CHD4: variants seen among roughly 807,000 people sequenced by gnomAD.
The protein encoded by CHD4 is chromodomain helicase DNA binding protein 4, also known as ATP-dependent chromatin remodeler CHD4.
In CHD4, 35 loss-of-function variants were observed where a neutral mutation model predicts 235.5. The ratio of observed to expected loss-of-function variants is 0.15; its 90% confidence interval spans 0.11 to 0.20. CHD4 has a LOEUF of 0.20. Ranked by LOEUF, CHD4 falls within the 10% of genes least tolerant of loss-of-function variation. The probability of loss-of-function intolerance (pLI) is 1.00; values close to 1 mark genes in which losing one functional copy is unlikely to be tolerated. For synonymous variants in CHD4, 900 were observed against 850.2 expected (o/e 1.06, Z -1.02); for missense variants, 1,329 against 2,432.3 (o/e 0.55, Z 9.54).
Position 6,578,535 on chromosome 12 carries a change from CTTT to C in CHD4, c.4990_4992del (p.Lys1664del). ...ATCACCTCTTTTTTCTCTTCTTCTT[CTTT>C]CTTCTCTTCTACAGAATATGGGGAA... On this transcript the variant is annotated inframe_deletion, in exon 35 of 40. Coordinates refer to ENST00000544040, the MANE Select transcript of CHD4 (RefSeq NM_001273.5). 1 of 1,611,186 alleles carries C rather than the reference CTTT, an allele frequency of 6.2e-7. No homozygotes were observed. The highest frequency in any genetic ancestry group is 8.5e-7 in the Non-Finnish European group (1 of 1,179,696).
intron 38 of CHD4, among the ~76,000 whole-genome samples, chr12:6,572,650 G>A (rs1464943873): frequency 7.6e-5 from 10 of 131,652 alleles, no homozygotes; most frequent in Non-Finnish European, 1.4e-4. Context: ...TCCGCCTCCC[G>A]GGTTCCAAGC....
Position 6,582,725 on chromosome 12 carries a change from C to T in CHD4, c.4260G>A (p.Gln1420=). 1 of 1,614,180 alleles carries T rather than the reference C, an allele frequency of 6.2e-7. No individual in the cohort carries two copies. The highest frequency in any genetic ancestry group is 8.5e-7 in the Non-Finnish European group (1 of 1,180,034). Residue 1420 remains glutamine, a synonymous_variant, in exon 29 of 40, where the codon CAG becomes CAA. Coordinates refer to ENST00000544040, the MANE Select transcript of CHD4 (RefSeq NM_001273.5). ...NIEVLGFNAR[Q]RKAFLNAIMR... is the part of the protein sequence containing the mutation. ...TAATTGCATTAAGAAAGGCTTTTCG[C>T]TGACGAGCATTAAAACCAAGTACCT... is the stretch of plus-strand genomic sequence containing the variant.
chr12:6,587,210 G>C, intron 25 of CHD4, 174 bp downstream of exon 25: 3 of 634,586 alleles, frequency 4.7e-6, no homozygotes, highest in Non-Finnish European at 8.0e-6. Flanking sequence ...CCAAGGCAAA[G>C]ATGAAAATCT....
At chr12:6,604,099 A>T (rs1057056061) in intron 2 of CHD4, among the ~76,000 whole-genome samples, 1 of 152,086 alleles carries the variant, frequency 6.6e-6, no homozygotes, top group Non-Finnish European at 1.5e-5. Context: ...ACATGGTGAA[A>T]CCCTGTCTCT....
intron 25 of CHD4, chr12:6,583,581 G>T (rs1592266863): frequency 2.0e-6 from 1 of 508,518 alleles, no homozygotes; most frequent in East Asian, 3.1e-5. Flanking sequence ...TTAGCAGTCA[G>T]CATAACTCAA....
chr12:6,601,156 T>G lies in CHD4; in HGVS notation c.800-103A>C. The G allele has an allele frequency of 2.0e-6, 3 of 1,524,056 alleles. No homozygotes were observed. The African/African-American group carries it at 4.2e-5, about 21-fold the overall frequency. 94.4% of individuals were successfully genotyped at this position (1,524,056 alleles called of 1,614,324 possible). A position where few individuals can be genotyped will look rare whatever the true frequency, so the allele number is the denominator to read the frequency against. ...TTCCCCACATTCAGATTCCCAAATT[T>G]CCCTCCAAAATCCAAGACTCATTCC... On this transcript the variant is annotated intron_variant, in intron 6 of 39. Coordinates refer to ENST00000544040, the MANE Select transcript of CHD4 (RefSeq NM_001273.5).
At chr12:6,592,645 G>A in intron 18 of CHD4, 51 bp downstream of exon 18, 1 of 1,591,538 alleles carries the variant, frequency 6.3e-7, no homozygotes, top group Non-Finnish European at 8.6e-7. Flanking sequence ...TGGGCAACAG[G>A]AAGAATGAGA....
rs558209937 is a variant in CHD4 at position 6,591,503 on chromosome 12, A to C, written c.3303T>G (p.Thr1101=). 1 of 1,614,116 alleles carries C rather than the reference A, an allele frequency of 6.2e-7. No individual in the cohort carries two copies. The part of the protein sequence containing the change: ...YKYERIDGGI[T]GNMRQEAIDR... ...CAATGGCCTCTTGCCGCATGTTCCC[A>C]GTGATTCCACCATCGATGCGTTCGT... The change falls in exon 22 of 40, where the codon ACT becomes ACG. Residue 1101 remains threonine, a synonymous_variant. Transcript: ENST00000544040.
chr12:6,578,764 G>C (rs1157390433), intron 34 of CHD4, 82 bp downstream of exon 34: 2 of 1,445,548 alleles, frequency 1.4e-6, no homozygotes, highest in East Asian at 2.3e-5. Flanking sequence ...GATGAGTATG[G>C]ACAGGGAGGC....
chr12:6,573,190 G>T lies in CHD4; in HGVS notation c.5441C>A (p.Pro1814His), dbSNP rs768443881. ...YLNMSEDPSH[P>H]SMALNTRFAE... The stretch of plus-strand genomic sequence containing the variant: ...AAAGCGGGTGTTGAGGGCCATGGAA[G>T]GGTGAGAAGGGTCTTCTGACATGTT... The change falls in exon 38 of 40, where the codon CCT becomes CAT. Residue 1814 changes from proline (P) to histidine (H), a missense_variant. By Grantham distance (77) the Pro-to-His change is moderately conservative. Coordinates refer to ENST00000544040, the MANE Select transcript of CHD4 (RefSeq NM_001273.5). The T allele has an allele frequency of 6.2e-7, 1 of 1,606,472 alleles. No homozygotes were observed.
intron 15 of CHD4, 146 bp downstream of exon 15, chr12:6,594,313 T>C (rs1565612988): frequency 7.7e-6 from 5 of 646,780 alleles, no homozygotes; most frequent in Middle Eastern, 2.5e-4. Context: ...ACTAAACACA[T>C]GTGTACATGT....
intron 37 of CHD4, 110 bp from the exon 38 acceptor site, chr12:6,573,379 T>G: frequency 1.1e-6 from 1 of 896,716 alleles, no homozygotes; most frequent in African/African-American, 1.8e-5. Context: ...TAAGAACCTA[T>G]GAAGAACTTC....
chr12:6,578,338 C>T (rs1419245698), intron 35 of CHD4, 71 bp downstream of exon 35: 9 of 1,549,344 alleles, frequency 5.8e-6, no homozygotes, highest in African/African-American at 1.4e-5. Context: ...GTCCCTGTAC[C>T]GTGGTTTCTG....
intron 3 of CHD4, 68 bp from the exon 4 acceptor site, chr12:6,602,243 C>G: frequency 6.2e-7 from 1 of 1,600,594 alleles, no homozygotes; most frequent in Non-Finnish European, 8.6e-7. Flanking sequence ...GACCTCAGGA[C>G]AGCCCTGAGG....
chr12:6,592,635 T>C lies in CHD4; in HGVS notation c.2774+61A>G, dbSNP rs1948420238. 3.1e-5 allele frequency: 49 copies of C among 1,585,130 alleles called. 1 individual carries two copies. In the South Asian group the frequency reaches 5.2e-4, roughly 17 times the overall value. ...GAAGAAAGAAAAGTGATACAGGAAA[T>C]GGGCAACAGGAAGAATGAGAGGCAC... On this transcript the variant is annotated intron_variant, in intron 18 of 39. Transcript: ENST00000544040.
chr12:6,596,978 T>C (rs1948510629), intron 12 of CHD4, among the ~76,000 whole-genome samples: 1 of 131,094 alleles, frequency 7.6e-6, no homozygotes, highest in East Asian at 2.4e-4. Context: ...AATAAATAAA[T>C]AAATAAATAG....
chr12:6,588,258 A>C (rs1402468350), intron 23 of CHD4, 40 bp downstream of exon 23: 1 of 1,604,294 alleles, frequency 6.2e-7, no homozygotes. Flanking sequence ...TTTCTAGCAT[A>C]ACATGTTACT....
chr12:6,587,643 T>C (rs2136208944), intron 24 of CHD4, 69 bp downstream of exon 24: 1 of 1,604,024 alleles, frequency 6.2e-7, no homozygotes, highest in African/African-American at 1.3e-5. Flanking sequence ...ACCCTTGGTA[T>C]CAAAGATTCT....
chr12:6,584,395 T>C (rs1337695264), intron 25 of CHD4: 1 of 152,192 alleles, frequency 6.6e-6, no homozygotes, highest in Non-Finnish European at 1.5e-5. Context: ...TGTGTGTACA[T>C]ATAAATATAT....
Sources: gnomAD v4.1 joint callset for allele counts (sites outside exome capture counted in the v4.1 genomes callset) on GRCh38, gnomAD v4.1.1 for gene constraint, MANE v1.5 for transcripts, NCBI Gene and HGNC (gene_info 2026-07-23, HGNC 2026-07-21) for gene names.